Variants in AKAP10 observed in about 807,000 individuals in gnomAD.
AKAP10 encodes the protein A-kinase anchoring protein 10.
In AKAP10, 24 loss-of-function variants were observed where a neutral mutation model predicts 80.8. That is an observed-to-expected ratio of 0.30 (90% CI 0.22 to 0.42). The LOEUF (loss-of-function observed/expected upper bound fraction) is 0.42, where lower values mean the gene tolerates loss of function less well. AKAP10 is among the 10% of genes least tolerant of loss of function. The probability of loss-of-function intolerance (pLI) is 1.00; values close to 1 mark genes in which losing one functional copy is unlikely to be tolerated. For missense variants in AKAP10, 661 were observed against 794.9 expected (o/e 0.83, Z 2.03); for synonymous variants, 291 against 277.7 (o/e 1.05, Z -0.48).
Position 19,951,231 on chromosome 17 carries a change from G to T in AKAP10, c.878-3726C>A, listed in dbSNP as rs797000915. Among the ~76,000 whole-genome samples, 341 of 103,802 alleles carry T rather than the reference G, an allele frequency of 3.3e-3. 14 individuals are homozygous for T. In the East Asian group the frequency reaches 0.077, roughly 23 times the overall value. 68.1% of individuals were successfully genotyped at this position (103,802 alleles called of 152,430 possible). On this transcript the variant is annotated intron_variant, in intron 4 of 14. Transcript: ENST00000225737. The stretch of plus-strand genomic sequence containing the variant: ...CAGCCGCCCCGTCCGGGAGGGAGGT[G>T]GGGGGTCAGCCCCCGCCCGGCCAGC...
chr17:19,959,834 A>G lies in AKAP10; in HGVS notation c.320-1263T>C, dbSNP rs145125315. ...ATCCTCAGTCTTACTGTCAGTGTCA[A>G]CTAGTTCATCTTTGTCAACATCACA... is the stretch of plus-strand genomic sequence containing the variant. On this transcript the variant is annotated intron_variant, in intron 3 of 14. Coordinates refer to ENST00000225737, the MANE Select transcript of AKAP10 (RefSeq NM_007202.4). Among the ~76,000 whole-genome samples, 123 of 152,336 alleles carry G rather than the reference A, an allele frequency of 8.1e-4. No homozygotes were observed. The East Asian group carries it at 0.022, about 27-fold the overall frequency.
chr17:19,942,312 A>G (rs1478876857), intron 5 of AKAP10, among the ~76,000 whole-genome samples: 1 of 152,216 alleles, frequency 6.6e-6, no homozygotes, highest in Non-Finnish European at 1.5e-5. Context: ...AGGAACAAAC[A>G]TAAAATGACC....
In AKAP10 at chr17:19,906,044, A is replaced by T. The variant is rs1361847024; in HGVS notation, c.*183T>A. ...CACTGTGTGAACATCATGTGCATCA[A>T]TTATGCCTACAGGTAACTGCATTAT... On this transcript the variant is annotated 3_prime_UTR_variant, in exon 15 of 15. Transcript: ENST00000225737. 1 of 604,224 alleles carries T rather than the reference A, an allele frequency of 1.7e-6. No homozygotes were observed. The highest frequency in any genetic ancestry group is 2.9e-6 in the Non-Finnish European group (1 of 345,240). The allele number at this position is 604,224 out of a possible 1,614,324, so 37.4% of individuals were successfully genotyped here.
intron 5 of AKAP10, among the ~76,000 whole-genome samples, chr17:19,943,585 G>T (rs773646828): frequency 1.3e-5 from 2 of 152,176 alleles, no homozygotes; most frequent in Non-Finnish European, 2.9e-5. Context: ...TCTTCCATCT[G>T]CCTGTTCAAT....
chr17:19,932,098 G>T, intron 9 of AKAP10, 120 bp from the exon 10 acceptor site: 1 of 910,392 alleles, frequency 1.1e-6, no homozygotes, highest in Non-Finnish European at 1.6e-6. Context: ...TATAACAAAT[G>T]TTTTTACTTC....
chr17:19,921,131 A>C (rs1265339719), intron 11 of AKAP10, among the ~76,000 whole-genome samples: 1 of 151,950 alleles, frequency 6.6e-6, no homozygotes, highest in Non-Finnish European at 1.5e-5. Context: ...CAATCTCATT[A>C]GCAAACACTT....
At chr17:19,970,480 T>A (rs371787278) in intron 1 of AKAP10, among the ~76,000 whole-genome samples, 22 of 152,372 alleles carry the variant, frequency 1.4e-4, no homozygotes, top group African/African-American at 4.8e-4. Context: ...AGAGTTCCTA[T>A]GAATCACCAC....
At chr17:19,954,620 G>C (rs2043252520) in intron 4 of AKAP10, among the ~76,000 whole-genome samples, 1 of 150,786 alleles carries the variant, frequency 6.6e-6, no homozygotes, top group African/African-American at 2.4e-5. Flanking sequence ...AAGTAGCTGG[G>C]ACTACAGGTG....
chr17:19,968,934 T>C (rs2043459096), intron 1 of AKAP10, among the ~76,000 whole-genome samples: 1 of 152,248 alleles, frequency 6.6e-6, no homozygotes, highest in Non-Finnish European at 1.5e-5. Context: ...TCATCCATAG[T>C]ACTAGCTACT....
chr17:19,945,909 C>T (rs540194972), intron 5 of AKAP10, among the ~76,000 whole-genome samples: 1 of 151,692 alleles, frequency 6.6e-6, no homozygotes, highest in Non-Finnish European at 1.5e-5. Context: ...TAAATAACCT[C>T]TTTTATCTGT....
At chr17:19,933,931 A>G (rs1236176686) in intron 9 of AKAP10, among the ~76,000 whole-genome samples, 1 of 152,022 alleles carries the variant, frequency 6.6e-6, no homozygotes, top group Admixed American at 6.6e-5. Context: ...TATTATAATT[A>G]TATTTTTGAG....
intron 3 of AKAP10, among the ~76,000 whole-genome samples, chr17:19,960,812 G>A (rs2043339498): frequency 6.8e-6 from 1 of 147,736 alleles, no homozygotes; most frequent in South Asian, 2.2e-4. Flanking sequence ...GATCACCTGA[G>A]GTCAGGAGTT....
At chr17:19,957,848 A>G (rs1477496559) in intron 4 of AKAP10, among the ~76,000 whole-genome samples, 166 bp downstream of exon 4, 3 of 129,792 alleles carry the variant, frequency 2.3e-5, no homozygotes, top group South Asian at 2.3e-4. Context: ...CCTTTTCCAT[A>G]CACTGATCTG....
In AKAP10 at chr17:19,909,040, AAT is replaced by A. The variant is rs2042662306; in HGVS notation, c.1983+139_1983+140del. On this transcript the variant is annotated intron_variant, in intron 14 of 14. Coordinates refer to ENST00000225737, the MANE Select transcript of AKAP10 (RefSeq NM_007202.4). ...AAACAGTTGTTTCATTTAGTTTGTC[AAT>A]TTTCTAGTTGCTTATGATAAGAAGG... 1.1e-5 allele frequency: 7 copies of A among 652,826 alleles called. No individual in the cohort carries two copies. In the South Asian group the frequency reaches 1.6e-4, roughly 15 times the overall value. The allele number at this position is 652,826 out of a possible 1,614,324, so 40.4% of individuals were successfully genotyped here. A position where few individuals can be genotyped will look rare whatever the true frequency, so the allele number is the denominator to read the frequency against.
chr17:19,905,308 A>C lies in AKAP10; in HGVS notation c.*919T>G, dbSNP rs1308792569. 1 of 152,054 alleles carries C rather than the reference A, an allele frequency of 6.6e-6. No homozygotes were observed. The highest frequency in any genetic ancestry group is 1.5e-5 in the Non-Finnish European group (1 of 68,020). The allele number at this position is 152,054 out of a possible 1,614,324, so 9.4% of individuals were successfully genotyped here. A position where few individuals can be genotyped will look rare whatever the true frequency, so the allele number is the denominator to read the frequency against. On this transcript the variant is annotated 3_prime_UTR_variant, in exon 15 of 15. Coordinates refer to ENST00000225737, the MANE Select transcript of AKAP10 (RefSeq NM_007202.4). The stretch of plus-strand genomic sequence containing the variant: ...AAGAATGGGGGAGGCAGTCAAAGTC[A>C]AATGTTTCTCTCTCCCCAGTCATCC...
At chr17:19,963,129 T>C (rs892265947) in intron 2 of AKAP10, 107 bp from the exon 3 acceptor site, 6 of 965,828 alleles carry the variant, frequency 6.2e-6, no homozygotes, top group Non-Finnish European at 8.8e-6. Context: ...GTAACATTAC[T>C]CTTAAGTCAG....
intron 12 of AKAP10, among the ~76,000 whole-genome samples, chr17:19,914,065 T>G (rs1284157916): frequency 6.6e-6 from 1 of 152,182 alleles, no homozygotes; most frequent in Non-Finnish European, 1.5e-5. Context: ...AGTGGCACAA[T>G]CATGGCTCAC....
Position 19,931,871 on chromosome 17 carries a change from A to C in AKAP10, c.1575T>G (p.Thr525=), listed in dbSNP as rs2152413017. ...DEFLGGNVSL[T]APGSVGPPDE... ...CAGGAGGGCCAACAGAGCCAGGAGC[A>C]GTCAGCGACACGTTCCCGCCCAGAA... Residue 525 remains threonine (T), a synonymous_variant, in exon 10 of 15, where the codon ACT becomes ACG. Coordinates refer to ENST00000225737, the MANE Select transcript of AKAP10 (RefSeq NM_007202.4). 6.2e-7 allele frequency: 1 copy of C among 1,614,212 alleles called. No homozygotes were observed.
chr17:19,976,331 A>C (rs889674394), intron 1 of AKAP10, among the ~76,000 whole-genome samples: 1 of 151,828 alleles, frequency 6.6e-6, no homozygotes, highest in Non-Finnish European at 1.5e-5. Flanking sequence ...AAAAATACAA[A>C]AATTAGCCGG....
Sources: allele counts gnomAD v4.1 joint callset (sites outside exome capture counted in the v4.1 genomes callset), GRCh38; gene constraint gnomAD v4.1.1; transcripts MANE v1.5; gene names NCBI Gene and HGNC (gene_info 2026-07-23, HGNC 2026-07-21).